ATP6V1H: variants seen among roughly 807,000 people sequenced by gnomAD.
The protein encoded by ATP6V1H is V-type proton ATPase subunit H.
ATP6V1H carries 39 observed loss-of-function variants against 71.7 expected under a neutral mutation model. The ratio of observed to expected loss-of-function variants is 0.54; its 90% CI spans 0.42 to 0.71. The LOEUF (loss-of-function observed/expected upper bound fraction) is 0.71. Among genes scored for constraint, ATP6V1H ranks in the 30% least tolerant of loss-of-function variants. ATP6V1H has a pLI of 0.00. For synonymous variants in ATP6V1H, 192 were observed against 199.3 expected (o/e 0.96, Z 0.31); for missense variants, 509 against 594.9 (o/e 0.86, Z 1.50).
chr8:53,726,677 A>G (rs1208976109), intron 13 of ATP6V1H, among the ~76,000 whole-genome samples: 4 of 152,212 alleles, frequency 2.6e-5, no homozygotes, highest in African/African-American at 9.6e-5. Context: ...GAGAACATCT[A>G]CCCATCTACT....
At chr8:53,839,784 T>A (rs1333389687) in intron 2 of ATP6V1H, 2 of 985,316 alleles carry the variant, frequency 2.0e-6, no homozygotes, top group African/African-American at 1.7e-5. Context: ...CTCCATTCTA[T>A]CATTTTCATC....
At chr8:53,736,943 A>C (rs1454829522) in intron 13 of ATP6V1H, among the ~76,000 whole-genome samples, 7 of 152,246 alleles carry the variant, frequency 4.6e-5, no homozygotes, top group African/African-American at 1.7e-4. Context: ...TGTATTATCT[A>C]TAGATTCCAG....
chr8:53,827,045 T>C (rs1810846184), intron 4 of ATP6V1H, among the ~76,000 whole-genome samples: 2 of 152,102 alleles, frequency 1.3e-5, no homozygotes, highest in African/African-American at 4.8e-5. Flanking sequence ...CCTTTCTGCA[T>C]AGTTTTGACT....
intron 13 of ATP6V1H, among the ~76,000 whole-genome samples, chr8:53,738,323 G>GCA (rs902833986): frequency 9.9e-4 from 149 of 150,444 alleles, no homozygotes; most frequent in East Asian, 9.8e-4. Flanking sequence ...GCGTGCACGT[G>GCA]CACACACACA....
intron 13 of ATP6V1H, among the ~76,000 whole-genome samples, chr8:53,717,595 G>A (rs1222821656): frequency 7.9e-5 from 12 of 152,138 alleles, no homozygotes; most frequent in African/African-American, 2.2e-4. Flanking sequence ...TTAAGTTCAC[G>A]CAAAGGCTGA....
At chr8:53,786,621 T>C (rs766836825) in intron 9 of ATP6V1H, among the ~76,000 whole-genome samples, 1 of 152,214 alleles carries the variant, frequency 6.6e-6, no homozygotes, top group East Asian at 1.9e-4. Context: ...TCACTCACAA[T>C]GGGAGCTGTA....
intron 4 of ATP6V1H, among the ~76,000 whole-genome samples, chr8:53,828,025 T>G (rs549612573): frequency 2.0e-5 from 3 of 152,342 alleles, no homozygotes; most frequent in African/African-American, 7.2e-5. Context: ...GGCATTTAGA[T>G]TGATTCCATG....
At chr8:53,756,184 C>T (rs959306918) in intron 12 of ATP6V1H, 11 of 151,362 alleles carry the variant, frequency 7.3e-5, no homozygotes, top group African/African-American at 2.7e-4. Context: ...AGTTCTTCTG[C>T]CTCAGCCTCC....
chr8:53,759,779 T>C (rs1234120572), intron 11 of ATP6V1H, among the ~76,000 whole-genome samples: 1 of 152,228 alleles, frequency 6.6e-6, no homozygotes. Flanking sequence ...ACTCAAAATA[T>C]ATATTTATTT....
At chr8:53,733,154 A>C (rs1257730228) in intron 13 of ATP6V1H, among the ~76,000 whole-genome samples, 1 of 152,196 alleles carries the variant, frequency 6.6e-6, no homozygotes, top group Admixed American at 6.5e-5. Context: ...CCAGACTCAT[A>C]ACCCTACTTA....
chr8:53,817,894 G>T (rs73680318), intron 4 of ATP6V1H, among the ~76,000 whole-genome samples: 8,727 of 152,012 alleles, frequency 0.057, 751 homozygotes, highest in African/African-American at 0.19. Flanking sequence ...AATCGGAAAG[G>T]GAGCAGGAAG....
intron 6 of ATP6V1H, among the ~76,000 whole-genome samples, chr8:53,812,855 C>T (rs770926707): frequency 3.9e-5 from 6 of 152,102 alleles, no homozygotes; most frequent in African/African-American, 1.2e-4. Flanking sequence ...CCACCACGCC[C>T]GGCTAATTGT....
chr8:53,825,828 A>G (rs1451436302), intron 4 of ATP6V1H, among the ~76,000 whole-genome samples: 1 of 152,164 alleles, frequency 6.6e-6, no homozygotes, highest in East Asian at 1.9e-4. Context: ...ATTCCACTGT[A>G]AACTTGGGTA....
chr8:53,715,844 G>T lies in ATP6V1H; in HGVS notation c.*120C>A. ...GTTGTTGTTTGGAAATTAGCATTGG[G>T]AAAAGCTATATAACAGAGGAAATTC... is the stretch of plus-strand genomic sequence containing the variant. On this transcript the variant is annotated 3_prime_UTR_variant, in exon 14 of 14. Coordinates refer to ENST00000359530, the MANE Select transcript of ATP6V1H (RefSeq NM_015941.4). 1.4e-6 allele frequency: 1 copy of T among 740,670 alleles called. No individual in the cohort carries two copies. The highest frequency in any genetic ancestry group is 2.8e-5 in the South Asian group (1 of 35,898). 45.9% of individuals were successfully genotyped at this position (740,670 alleles called of 1,614,324 possible).
intron 2 of ATP6V1H, among the ~76,000 whole-genome samples, chr8:53,833,617 C>T (rs1811075648): frequency 6.6e-6 from 1 of 152,040 alleles, no homozygotes. Flanking sequence ...CCTGACCCCA[C>T]ACTCTCCTAT....
chr8:53,824,218 A>G lies in ATP6V1H; in HGVS notation c.306+5226T>C, dbSNP rs181387391. Among the ~76,000 whole-genome samples the G allele has an allele frequency of 7.2e-5, 11 of 152,304 alleles. No individual in the cohort carries two copies. The South Asian group carries it at 2.1e-3, about 29-fold the overall frequency. ...CAAATGAACAATTTCTGTAGAAGAC[A>G]TAGAGAAAGCTATCAAATAATTACC... On this transcript the variant is annotated intron_variant, in intron 4 of 13. Coordinates refer to ENST00000359530, the MANE Select transcript of ATP6V1H (RefSeq NM_015941.4).
intron 7 of ATP6V1H, among the ~76,000 whole-genome samples, chr8:53,810,408 T>C (rs1810236100): frequency 6.6e-6 from 1 of 152,188 alleles, no homozygotes; most frequent in Non-Finnish European, 1.5e-5. Context: ...ATTATGTAGA[T>C]TATTTATGTA....
chr8:53,787,092 G>T (rs988502790), intron 9 of ATP6V1H, among the ~76,000 whole-genome samples: 1 of 152,112 alleles, frequency 6.6e-6, no homozygotes, highest in South Asian at 2.1e-4. Context: ...TTCACTTTCT[G>T]TACTTATCCA....
intron 3 of ATP6V1H, among the ~76,000 whole-genome samples, chr8:53,830,952 A>C (rs552644644): frequency 6.6e-6 from 1 of 152,284 alleles, no homozygotes; most frequent in South Asian, 2.1e-4. Context: ...CAGACATCAC[A>C]AAGGAAAGGA....
Sources: gnomAD v4.1 joint callset for allele counts (sites outside exome capture counted in the v4.1 genomes callset) on GRCh38, gnomAD v4.1.1 for gene constraint, MANE v1.5 for transcripts, NCBI Gene and HGNC (gene_info 2026-07-23, HGNC 2026-07-21) for gene names.